Variants in MREG observed in about 807,000 individuals in gnomAD.
MREG encodes the protein dilute suppressor protein homolog.
A neutral mutation model predicts 28.5 loss-of-function variants in MREG; 31 were observed. That is an observed-to-expected ratio of 1.09 (90% confidence interval 0.82 to 1.47). The LOEUF is 1.47. MREG is among the 40% of genes most tolerant of loss of function. MREG has a pLI of 0.00. For synonymous variants in MREG, 106 were observed against 95.2 expected (o/e 1.11, Z -0.66); for missense variants, 256 against 257.4 (o/e 0.99, Z 0.04).
rs772653014 is a variant in MREG, at chr2:215,945,735, C to T, written c.347-1G>A. 6.2e-7 allele frequency: 1 copy of T among 1,611,490 alleles called. No individual in the cohort carries two copies. The highest frequency in any genetic ancestry group is 8.5e-7 in the Non-Finnish European group (1 of 1,178,964). ...AAAGAGTCAGCTTCCTTTTGAAAAC[C>T]TAAGGTAGAAAAATGGACCACTCAT... On this transcript the variant is annotated splice_acceptor_variant, in intron 3 of 4. Coordinates refer to ENST00000263268, the MANE Select transcript of MREG (RefSeq NM_018000.3). LOFTEE classifies it high-confidence loss of function.
intron 2 of MREG, among the ~76,000 whole-genome samples, chr2:215,986,322 T>C (rs1693570787): frequency 6.6e-6 from 1 of 152,198 alleles, no homozygotes. Context: ...ATTCTCAACA[T>C]GGCGAGTGGG....
At chr2:216,001,818 T>C (rs1030763792) in intron 1 of MREG, among the ~76,000 whole-genome samples, 5 of 152,152 alleles carry the variant, frequency 3.3e-5, no homozygotes. Context: ...TTAAAACTTT[T>C]AACCCTTTGG....
At chr2:215,972,221 A>T (rs1693118636) in intron 2 of MREG, among the ~76,000 whole-genome samples, 1 of 152,142 alleles carries the variant, frequency 6.6e-6, no homozygotes, top group Non-Finnish European at 1.5e-5. Flanking sequence ...AAGACCAAAA[A>T]CTTCAGCAGC....
At chr2:215,959,574 G>A (rs1692723409) in intron 2 of MREG, among the ~76,000 whole-genome samples, 1 of 152,190 alleles carries the variant, frequency 6.6e-6, no homozygotes, top group Non-Finnish European at 1.5e-5. Flanking sequence ...CCAAAGATGA[G>A]ATTGGGTCAC....
chr2:215,954,850 C>T (rs537055310), intron 2 of MREG, among the ~76,000 whole-genome samples: 98 of 152,140 alleles, frequency 6.4e-4, no homozygotes, highest in African/African-American at 2.3e-3. Flanking sequence ...ATTACAGGCA[C>T]GCACCACAAT....
intron 1 of MREG, among the ~76,000 whole-genome samples, chr2:216,019,668 C>T (rs1320857214): frequency 6.6e-6 from 1 of 151,984 alleles, no homozygotes; most frequent in Non-Finnish European, 1.5e-5. Flanking sequence ...CCATGCCCGG[C>T]TAATTGTTTT....
chr2:216,009,214 T>C (rs938239283), intron 1 of MREG, among the ~76,000 whole-genome samples: 4 of 152,194 alleles, frequency 2.6e-5, no homozygotes, highest in African/African-American at 9.7e-5. Flanking sequence ...TCTATCAACA[T>C]TGAACTCATG....
At chr2:215,961,270 G>T (rs535395280) in intron 2 of MREG, among the ~76,000 whole-genome samples, 30 of 152,296 alleles carry the variant, frequency 2.0e-4, no homozygotes, top group African/African-American at 7.0e-4. Flanking sequence ...TTTAAGAAAG[G>T]TTTGTCTGTT....
chr2:215,991,585 A>G (rs1429727181), intron 2 of MREG, among the ~76,000 whole-genome samples: 1 of 152,080 alleles, frequency 6.6e-6, no homozygotes, highest in Non-Finnish European at 1.5e-5. Flanking sequence ...ACCGTTCAAA[A>G]AAAAAAAATC....
rs80196228 is a variant in MREG at position 215,976,424 on chromosome 2, G to A, written c.255+19882C>T. Among the ~76,000 whole-genome samples the A allele has an allele frequency of 8.5e-3, 1,293 of 152,234 alleles. 18 individuals carry two copies. Among genetic ancestry groups the A allele is most frequent in the African/African-American group, 0.03 (1,235 of 41,522 alleles). Reference sequence around the variant, plus strand: ...TACCTGCCTTCCCAAATTTCTGCCTGTACCCAGTGCTTAAGGCTACTACTC... The same window carrying A: ...TACCTGCCTTCCCAAATTTCTGCCTATACCCAGTGCTTAAGGCTACTACTC... On this transcript the variant is annotated intron_variant, in intron 2 of 4. Coordinates refer to ENST00000263268, the MANE Select transcript of MREG (RefSeq NM_018000.3).
At chr2:215,965,576 C>A (rs562913919) in intron 2 of MREG, among the ~76,000 whole-genome samples, 74 of 152,168 alleles carry the variant, frequency 4.9e-4, no homozygotes, top group Non-Finnish European at 8.7e-4. Flanking sequence ...ATTCTTTAGC[C>A]CAAAAGCTTC....
chr2:215,950,336 G>A (rs543825867), intron 2 of MREG, among the ~76,000 whole-genome samples: 3 of 152,288 alleles, frequency 2.0e-5, no homozygotes, highest in Admixed American at 2.0e-4. Flanking sequence ...CCATCGATTA[G>A]TCATTTTGCT....
chr2:216,030,806 G>GC (rs1694669433), intron 1 of MREG, among the ~76,000 whole-genome samples: 1 of 149,686 alleles, frequency 6.7e-6, no homozygotes, highest in Admixed American at 6.7e-5. Flanking sequence ...CAGGTGATCT[G>GC]CCTGCCTTGG....
intron 1 of MREG, among the ~76,000 whole-genome samples, chr2:216,027,108 G>T (rs62181272): frequency 1.3e-5 from 2 of 151,962 alleles, no homozygotes; most frequent in African/African-American, 2.4e-5. Flanking sequence ...ATAATTATCC[G>T]TTTGCAAAGA....
At chr2:216,007,321 G>A (rs963551263) in intron 1 of MREG, among the ~76,000 whole-genome samples, 22 of 152,158 alleles carry the variant, frequency 1.4e-4, no homozygotes, top group Non-Finnish European at 3.2e-4. Context: ...AGCCCCAGCC[G>A]AGGTCAAAAG....
intron 1 of MREG, among the ~76,000 whole-genome samples, chr2:216,024,836 T>TTG (rs1333603870): frequency 1.4e-5 from 2 of 138,572 alleles, no homozygotes; most frequent in African/African-American, 5.5e-5. Flanking sequence ...TAAGCCGAGA[T>TTG]CACGCCATTG....
chr2:215,981,185 TC>T (rs1693419910), intron 2 of MREG, among the ~76,000 whole-genome samples: 1 of 152,156 alleles, frequency 6.6e-6, no homozygotes, highest in Admixed American at 6.5e-5. Flanking sequence ...AAACAGGGAC[TC>T]AAGCAGATAT....
chr2:216,006,891 A>G (rs1238830036), intron 1 of MREG, among the ~76,000 whole-genome samples: 1 of 152,158 alleles, frequency 6.6e-6, no homozygotes, highest in Non-Finnish European at 1.5e-5. Flanking sequence ...CCTAGCTTCA[A>G]TGCAGGAAAA....
chr2:215,939,343 T>A (rs1272508734), downstream of MREG: 1 of 152,188 alleles, frequency 6.6e-6, no homozygotes, highest in Non-Finnish European at 1.5e-5. Flanking sequence ...CCCCATAATC[T>A]TGTGACCAGG....
Sources: gnomAD v4.1 joint callset for allele counts (sites outside exome capture counted in the v4.1 genomes callset) on GRCh38, gnomAD v4.1.1 for gene constraint, MANE v1.5 for transcripts, NCBI Gene and HGNC (gene_info 2026-07-23, HGNC 2026-07-21) for gene names.